RIGI: variants seen among roughly 807,000 people sequenced by gnomAD.
The protein encoded by RIGI is RNA sensor RIG-I.
At chr9:32,501,345 A>T in the RIGI span, among the ~76,000 whole-genome samples, 577 of 50,100 alleles carry the variant, frequency 0.012, 1 homozygote, top group African/African-American at 0.02. Flanking sequence ...AAAAAAAAAA[A>T]ATTTTTTTAA....
chr9:32,508,781 G>T, the RIGI span, among the ~76,000 whole-genome samples: 8 of 152,082 alleles, frequency 5.3e-5, no homozygotes, highest in African/African-American at 1.9e-4. Context: ...GGGGGCTGAA[G>T]CCAGGGAGCC....
chr9:32,470,620 A>G, the RIGI span, among the ~76,000 whole-genome samples: 3 of 152,116 alleles, frequency 2.0e-5, no homozygotes, highest in Non-Finnish European at 1.5e-5. Context: ...TACTATTATT[A>G]TTTTTCCATT....
At chr9:32,485,273 C>G in the RIGI span, 1 of 1,587,946 alleles carries the variant, frequency 6.3e-7, no homozygotes, top group Non-Finnish European at 8.5e-7. Context: ...TTCCACTTTC[C>G]TGAAAACTAG....
the RIGI span, chr9:32,476,951 A>G: frequency 6.3e-7 from 1 of 1,580,624 alleles, no homozygotes; most frequent in Non-Finnish European, 8.7e-7. Flanking sequence ...TGCTGGGTCC[A>G]TTTGTTATCT....
the RIGI span, chr9:32,457,532 T>G: frequency 2.3e-6 from 2 of 883,194 alleles, no homozygotes; most frequent in African/African-American, 1.7e-5. Context: ...AAAGAACAGG[T>G]GGGTCTCACT....
the RIGI span, among the ~76,000 whole-genome samples, chr9:32,515,330 A>AAG: frequency 9.7e-6 from 1 of 102,794 alleles, no homozygotes; most frequent in Non-Finnish European, 2.5e-5. Context: ...AAAAAAAAAA[A>AAG]AAAAGCCACA....
the RIGI span, chr9:32,492,564 G>C: frequency 6.2e-7 from 1 of 1,612,146 alleles, no homozygotes; most frequent in South Asian, 1.1e-5. Context: ...GTAGTTTATT[G>C]ATCAATTATC....
At chr9:32,506,144 G>A in the RIGI span, among the ~76,000 whole-genome samples, 2 of 152,132 alleles carry the variant, frequency 1.3e-5, no homozygotes, top group African/African-American at 2.4e-5. Context: ...CTTAAACCTG[G>A]GAGGTGGAGA....
chr9:32,485,639 C>T, the RIGI span: 1 of 394,574 alleles, frequency 2.5e-6, no homozygotes. Flanking sequence ...CTCCCAGGTT[C>T]AAGTGATTCT....
the RIGI span, among the ~76,000 whole-genome samples, chr9:32,507,909 G>T: frequency 6.6e-6 from 1 of 152,100 alleles, no homozygotes. Flanking sequence ...CTATTTAAAA[G>T]ATGTTTGACC....
chr9:32,480,247 A>C, the RIGI span: 1 of 1,608,892 alleles, frequency 6.2e-7, no homozygotes, highest in African/African-American at 1.3e-5. Flanking sequence ...GATCTTGCTC[A>C]ATCTCATCGA....
At chr9:32,517,848 G>A in the RIGI span, among the ~76,000 whole-genome samples, 3,005 of 152,268 alleles carry the variant, frequency 0.02, 109 homozygotes, top group African/African-American at 0.068. Context: ...AAATAATCTA[G>A]ATAAACTGCT....
the RIGI span, among the ~76,000 whole-genome samples, chr9:32,484,548 T>C: frequency 6.6e-6 from 1 of 152,114 alleles, no homozygotes; most frequent in Non-Finnish European, 1.5e-5. Flanking sequence ...TGCCCCTTTC[T>C]CATCCCCACC....
chr9:32,465,291 T>C, the RIGI span, among the ~76,000 whole-genome samples: 8,967 of 152,296 alleles, frequency 0.059, 401 homozygotes, highest in Admixed American at 0.11. Context: ...CTAGTAAACA[T>C]TGACAAAGTT....
chr9:32,503,685 T>C, the RIGI span, among the ~76,000 whole-genome samples: 2 of 152,132 alleles, frequency 1.3e-5, no homozygotes, highest in Admixed American at 1.3e-4. Flanking sequence ...GAATGGATAC[T>C]CAGAATACTG....
chr9:32,461,814 T>C, the RIGI span, among the ~76,000 whole-genome samples: 1,089 of 152,292 alleles, frequency 7.2e-3, 6 homozygotes, highest in African/African-American at 0.024. Context: ...TCTAGAAATA[T>C]AGCTATTTTC....
chr9:32,491,384 T>C, the RIGI span: 1 of 1,612,454 alleles, frequency 6.2e-7, no homozygotes. Context: ...AGTTTCCATC[T>C]TATCCTCAAG....
the RIGI span, among the ~76,000 whole-genome samples, chr9:32,465,698 C>A: frequency 6.6e-6 from 1 of 152,192 alleles, no homozygotes; most frequent in Non-Finnish European, 1.5e-5. Flanking sequence ...TTAAAGCTCT[C>A]CCCTAGCCCT....
chr9:32,480,193 C>A, the RIGI span: 1 of 1,574,610 alleles, frequency 6.4e-7, no homozygotes, highest in Non-Finnish European at 8.7e-7. Flanking sequence ...GCTACTGTGG[C>A]TTCCTCCTCT....
Sources: gnomAD v4.1 joint callset for allele counts (sites outside exome capture counted in the v4.1 genomes callset) on GRCh38, gnomAD v4.1.1 for gene constraint, MANE v1.5 for transcripts, NCBI Gene and HGNC (gene_info 2026-07-23, HGNC 2026-07-21) for gene names.